Variants in LRR1 observed in about 807,000 individuals in gnomAD.
LRR1 encodes the protein leucine rich repeat protein 1, also known as leucine-rich repeat protein 1.
Under a neutral mutation model 31.6 loss-of-function variants are expected in LRR1, and 29 were observed. The observed-to-expected ratio is 0.92, with a 90% CI of 0.68 to 1.25. The LOEUF (loss-of-function observed/expected upper bound fraction) is 1.25. Ranked by LOEUF, LRR1 falls within the 50% of genes most tolerant of loss-of-function variation. The pLI, the probability that LRR1 is intolerant of heterozygous loss-of-function variation, is 0.00. For missense variants in LRR1, 485 were observed against 487.2 expected (o/e 1.00, Z 0.04); for synonymous variants, 179 against 181.4 (o/e 0.99, Z 0.10).
chr14:49,610,838 A>C (rs1287803078), intron 3 of LRR1, among the ~76,000 whole-genome samples: 1 of 152,198 alleles, frequency 6.6e-6, no homozygotes, highest in East Asian at 1.9e-4. Flanking sequence ...CTGAGATTAC[A>C]GACATGAGCC....
rs560252881 is a variant in LRR1 at position 49,607,094 on chromosome 14, C to G, written c.283-306C>G. On this transcript the variant is annotated intron_variant, in intron 2 of 3. Coordinates refer to ENST00000298288, the MANE Select transcript of LRR1 (RefSeq NM_152329.4). ...TGCCCAGGCTGGAGGGCAGTGATAT[C>G]ATGGCTTACTGCAGCCTCTACTTCC... Among the ~76,000 whole-genome samples the G allele has an allele frequency of 2.7e-5, 4 of 148,890 alleles. No individual in the cohort carries two copies. The South Asian group carries it at 6.4e-4, about 24-fold the overall frequency.
intron 1 of LRR1, 21 bp downstream of exon 1, chr14:49,599,224 C>G (rs951001435): frequency 6.4e-7 from 1 of 1,572,852 alleles, no homozygotes; most frequent in Non-Finnish European, 8.6e-7. Flanking sequence ...TGGGCAGGCC[C>G]TGTCAGTCTC....
At chr14:49,601,756 G>GCTCT in intron 1 of LRR1, 12 of 1,126,206 alleles carry the variant, frequency 1.1e-5, no homozygotes, top group Non-Finnish European at 1.4e-5. Flanking sequence ...GAGAGTTACT[G>GCTCT]GACAGACAGA....
chr14:49,601,770 G>T, intron 1 of LRR1: 1 of 756,192 alleles, frequency 1.3e-6, no homozygotes, highest in South Asian at 1.5e-5. Context: ...AGACAGAGCA[G>T]TAACATCCAC....
In LRR1 at chr14:49,614,339, G is replaced by C. The variant is rs749159115; in HGVS notation, c.1088G>C (p.Cys363Ser). 9 of 1,613,854 alleles carry C rather than the reference G, an allele frequency of 5.6e-6. No individual in the cohort carries two copies. Among genetic ancestry groups the C allele is most frequent in the Non-Finnish European group, 7.6e-6 (9 of 1,179,966 alleles). ...TAKICVCGRF[C>S]LNSFIQGTTT... ...AAAATTTGTGTTTGTGGAAGATTCT[G>C]TCTGAACTCTTTCATTCAAGGAACT... The change falls in exon 4 of 4, where the codon TGT (cysteine) becomes TCT (serine). Residue 363 changes from cysteine to serine, a missense_variant. By Grantham distance (112) the Cys-to-Ser change is moderately radical (BLOSUM62 -1). Coordinates refer to ENST00000298288, the MANE Select transcript of LRR1 (RefSeq NM_152329.4).
At chr14:49,608,197 G>T in intron 3 of LRR1, 76 bp downstream of exon 3, 1 of 1,404,006 alleles carries the variant, frequency 7.1e-7, no homozygotes. Flanking sequence ...GAGTAATAAA[G>T]TCTAACATTG....
chr14:49,602,518 T>G (rs774547853), intron 2 of LRR1, 50 bp downstream of exon 2: 1 of 1,489,174 alleles, frequency 6.7e-7, no homozygotes, highest in African/African-American at 1.4e-5. Flanking sequence ...ATTTTCTTTA[T>G]TTTTTAGAAA....
At chr14:49,609,163 C>T (rs1274933313) in intron 3 of LRR1, among the ~76,000 whole-genome samples, 1 of 149,588 alleles carries the variant, frequency 6.7e-6, no homozygotes, top group African/African-American at 2.5e-5. Context: ...GTGATCCGCC[C>T]GTCTTGGCCT....
chr14:49,609,798 C>CCGAG (rs1882446433), intron 3 of LRR1, among the ~76,000 whole-genome samples: 1 of 151,964 alleles, frequency 6.6e-6, no homozygotes, highest in South Asian at 2.1e-4. Flanking sequence ...CCTCTGCCTC[C>CCGAG]CGAGTTCCAG....
chr14:49,608,804 C>G (rs1882394540), intron 3 of LRR1, among the ~76,000 whole-genome samples: 1 of 150,882 alleles, frequency 6.6e-6, no homozygotes, highest in Non-Finnish European at 1.5e-5. Flanking sequence ...TTGATGTACT[C>G]TAAAATTAGA....
intron 2 of LRR1, chr14:49,603,523 CTTTTTTTTTTT>C (rs752524533): frequency 4.0e-5 from 4 of 99,100 alleles, no homozygotes; most frequent in South Asian, 1.8e-4. Context: ...TCTTCTTCTT[CTTTTTTTTTTT>C]TTTTTTTTTT....
At position 49,607,601 on chromosome 14, in the gene LRR1, T is replaced by C. The variant is rs1321405776; in HGVS notation, c.484T>C (p.Ser162Pro). The C allele has an allele frequency of 1.2e-6, 2 of 1,614,106 alleles. No individual in the cohort carries two copies. The highest frequency in any genetic ancestry group is 1.3e-5 in the African/African-American group (1 of 74,942). The change falls in exon 3 of 4, where the codon TCT becomes CCT. Residue 162 changes from serine to proline, a missense_variant. Around this residue, in one of 3 missense-constraint regions of LRR1, gnomAD observed 260 missense variants for 249.6 expected, o/e 1.04. Transcript: ENST00000298288. Reference protein sequence around the residue: ...FPYSLEHLQTSYCGLVRVDMR... With the variant: ...FPYSLEHLQTPYCGLVRVDMR... ...ATATTCCTTGGAACATCTTCAGACT[T>C]CTTACTGTGGGCTTGTCCGAGTTGA... is the stretch of plus-strand genomic sequence containing the variant.
chr14:49,601,519 T>C (rs1250957784), intron 1 of LRR1: 3 of 855,850 alleles, frequency 3.5e-6, no homozygotes, highest in Non-Finnish European at 5.1e-6. Context: ...TGAGCACTCA[T>C]TATGTGTCAG....
rs796902810 is a variant in LRR1 at position 49,602,489 on chromosome 14, A to T, written c.282+21A>T. On this transcript the variant is annotated intron_variant, in intron 2 of 3. Transcript: ENST00000298288. ...GTAAGGTATGGTATTAAAAACATTAATGATTAATATTTGGCTGTATTTTCT... is the reference window on the plus strand; with the variant it reads ...GTAAGGTATGGTATTAAAAACATTATTGATTAATATTTGGCTGTATTTTCT... 5 of 1,564,818 alleles carry T rather than the reference A, an allele frequency of 3.2e-6. No individual in the cohort carries two copies. The African/African-American group carries it at 6.8e-5, about 21-fold the overall frequency.
chr14:49,609,250 G>A (rs1446510758), intron 3 of LRR1, among the ~76,000 whole-genome samples: 15 of 70,646 alleles, frequency 2.1e-4, no homozygotes, highest in Admixed American at 8.0e-4. Flanking sequence ...TTTTGAGACA[G>A]GGTCTCACTC....
At chr14:49,604,567 C>T (rs1415553833) in intron 2 of LRR1, among the ~76,000 whole-genome samples, 2 of 152,018 alleles carry the variant, frequency 1.3e-5, no homozygotes, top group African/African-American at 4.8e-5. Context: ...GTGGTGTGCA[C>T]CTGTAATCTC....
chr14:49,614,510 AAAAAG>A lies in LRR1; in HGVS notation c.*18_*22del, dbSNP rs1882629190. ...ATGTTAAAGTAATGGGTGAGACCAG[AAAAAG>A]AAATTTCAATAACAGATCAGTTTGG... On this transcript the variant is annotated 3_prime_UTR_variant, in exon 4 of 4. Transcript: ENST00000298288. 6.2e-7 allele frequency: 1 copy of A among 1,612,834 alleles called. No individual in the cohort carries two copies. Among genetic ancestry groups the A allele is most frequent in the Admixed American group, 1.7e-5 (1 of 59,836 alleles).
rs781113168 is a variant in LRR1 at position 49,607,503 on chromosome 14, C to A, written c.386C>A (p.Ser129Ter). 2 of 1,614,126 alleles carry A rather than the reference C, an allele frequency of 1.2e-6. No individual in the cohort carries two copies. The highest frequency in any genetic ancestry group is 4.5e-5 in the East Asian group (2 of 44,876). The change falls in exon 3 of 4, where the codon TCA becomes TAA. Residue 129 changes from serine (S) to a stop codon, truncating the protein, a stop_gained. Transcript: ENST00000298288. LOFTEE classifies it high-confidence loss of function. ...TCAACGCTCACACCAGTGAAGACTT[C>A]AGAATTTGAAAACTTTAAAACTAAA... ...PVSTLTPVKT[S>*]EFENFKTKMV...
At chr14:49,605,185 A>G (rs1882235296) in intron 2 of LRR1, among the ~76,000 whole-genome samples, 1 of 152,184 alleles carries the variant, frequency 6.6e-6, no homozygotes, top group Non-Finnish European at 1.5e-5. Context: ...ATGGTCCACC[A>G]CATCTGGCCC....
Sources: allele counts gnomAD v4.1 joint callset (sites outside exome capture counted in the v4.1 genomes callset), GRCh38; gene constraint gnomAD v4.1.1; regional missense constraint gnomAD v4.1.1; transcripts MANE v1.5; gene names NCBI Gene and HGNC (gene_info 2026-07-23, HGNC 2026-07-21).